Variants in INTS6 observed in about 807,000 individuals in gnomAD.
INTS6 encodes DEAD box protein.
A neutral mutation model predicts 104.9 loss-of-function variants in INTS6; 16 were observed. That is an observed-to-expected ratio of 0.15 (90% CI 0.10 to 0.23). INTS6 has a LOEUF of 0.23. Ranked by LOEUF, INTS6 falls within the 10% of genes least tolerant of loss-of-function variation. The probability of loss-of-function intolerance (pLI) is 1.00; values close to 1 mark genes in which losing one functional copy is unlikely to be tolerated. For synonymous variants in INTS6, 324 were observed against 358.7 expected (o/e 0.90, Z 1.09); for missense variants, 584 against 1,062.8 (o/e 0.55, Z 6.26).
chr13:51,345,668 T>C, the INTS6 span, among the ~76,000 whole-genome samples: 9 of 151,322 alleles, frequency 5.9e-5, no homozygotes, highest in African/African-American at 2.2e-4. Flanking sequence ...ACAGTAAGTG[T>C]GTGGACAAGG....
chr13:51,372,156 T>A (rs1392886288), intron 15 of INTS6, among the ~76,000 whole-genome samples: 1 of 152,186 alleles, frequency 6.6e-6, no homozygotes, highest in East Asian at 1.9e-4. Context: ...ACTTAACTGG[T>A]CGTTTATACT....
chr13:51,417,517 C>T (rs939777375), intron 4 of INTS6, among the ~76,000 whole-genome samples: 2 of 145,076 alleles, frequency 1.4e-5, no homozygotes, highest in Admixed American at 7.2e-5. Flanking sequence ...TGCAATGGCG[C>T]GATCTCAGCT....
intron 16 of INTS6, among the ~76,000 whole-genome samples, chr13:51,368,167 T>C (rs1239428104): frequency 7.2e-5 from 11 of 152,008 alleles, no homozygotes; most frequent in South Asian, 2.1e-4. Context: ...GATGAGTAAA[T>C]AGCTTTATGG....
intron 4 of INTS6, among the ~76,000 whole-genome samples, chr13:51,424,230 A>G (rs928420283): frequency 1.3e-5 from 2 of 152,060 alleles, no homozygotes; most frequent in African/African-American, 4.8e-5. Context: ...CTATTTTGAT[A>G]TATCTTAACA....
intron 3 of INTS6, chr13:51,449,001 T>C (rs1404481619): frequency 6.6e-6 from 1 of 152,222 alleles, no homozygotes; most frequent in Non-Finnish European, 1.5e-5. Flanking sequence ...CCTAATCATT[T>C]ATCCTTGTTG....
At chr13:51,372,927 G>C (rs997282042) in intron 15 of INTS6, among the ~76,000 whole-genome samples, 2 of 152,100 alleles carry the variant, frequency 1.3e-5, no homozygotes, top group African/African-American at 4.8e-5. Context: ...TTGTGGAAAA[G>C]TTTGATTTTG....
At chr13:51,451,927 G>A in intron 2 of INTS6, 51 bp downstream of exon 2, 1 of 1,416,544 alleles carries the variant, frequency 7.1e-7, no homozygotes, top group Non-Finnish European at 9.9e-7. Context: ...GGGCGAGCGA[G>A]GAAGGAACAG....
the INTS6 span, among the ~76,000 whole-genome samples, chr13:51,336,431 G>A: frequency 3.9e-5 from 6 of 152,270 alleles, no homozygotes; most frequent in Admixed American, 2.6e-4. Context: ...AGGTTGCAGT[G>A]AGCCGAGGTC....
At chr13:51,346,987 A>C in the INTS6 span, 1 of 1,471,476 alleles carries the variant, frequency 6.8e-7, no homozygotes, top group Non-Finnish European at 9.3e-7. Context: ...GTTTCAATGC[A>C]CATTTAACCC....
At position 51,452,303 on chromosome 13, in the gene INTS6, C is replaced by A; in HGVS notation, c.111+112G>T. 9.0e-7 allele frequency: 1 copy of A among 1,105,802 alleles called. No individual in the cohort carries two copies. The highest frequency in any genetic ancestry group is 1.1e-6 in the Non-Finnish European group (1 of 889,558). 68.5% of individuals were successfully genotyped at this position (1,105,802 alleles called of 1,614,324 possible). On this transcript the variant is annotated intron_variant, in intron 1 of 17. Coordinates refer to ENST00000311234, the MANE Select transcript of INTS6 (RefSeq NM_012141.3). The surrounding 1 kb of genome is among the most constrained non-coding windows in gnomAD (Gnocchi z 4.2). ...CGGTGGGGGAGGGGGTCCCCGAGCC[C>A]GGCAGCTCCCGCAGTCAGGTCCCCG...
At chr13:51,380,294 A>T (rs934988015) in intron 10 of INTS6, among the ~76,000 whole-genome samples, 4 of 152,170 alleles carry the variant, frequency 2.6e-5, no homozygotes, top group Non-Finnish European at 5.9e-5. Context: ...GAAGTACTTT[A>T]TACGATGAAA....
At chr13:51,391,213 G>A (rs1566219431) in intron 5 of INTS6, among the ~76,000 whole-genome samples, 1 of 152,042 alleles carries the variant, frequency 6.6e-6, no homozygotes, top group Non-Finnish European at 1.5e-5. Flanking sequence ...TTACATAAAG[G>A]TTGAGTATCT....
At chr13:51,360,674 T>C (rs531510737), downstream of INTS6, among the ~76,000 whole-genome samples, 8 of 152,180 alleles carry the variant, frequency 5.3e-5, no homozygotes, top group South Asian at 1.7e-3. Flanking sequence ...ATGAGGCAAA[T>C]TAATTGCATA....
chr13:51,364,317 C>A lies in INTS6; in HGVS notation c.*1435G>T. ...CTCCACTTTCATCAATGCTTTTCTT[C>A]ATAAAGTTATAATTTCATTTTGCTA... On this transcript the variant is annotated 3_prime_UTR_variant, in exon 18 of 18. Coordinates refer to ENST00000311234, the MANE Select transcript of INTS6 (RefSeq NM_012141.3). 2 of 1,275,292 alleles carry A rather than the reference C, an allele frequency of 1.6e-6. No individual in the cohort carries two copies. Among genetic ancestry groups the A allele is most frequent in the Non-Finnish European group, 1.1e-6 (1 of 930,558 alleles). The allele number at this position is 1,275,292 out of a possible 1,614,324, so 79.0% of individuals were successfully genotyped here.
chr13:51,414,597 G>T (rs1263023162), intron 4 of INTS6, among the ~76,000 whole-genome samples: 1 of 152,006 alleles, frequency 6.6e-6, no homozygotes, highest in Non-Finnish European at 1.5e-5. Context: ...GATTTGCTTG[G>T]ATAATGTAGA....
intron 3 of INTS6, among the ~76,000 whole-genome samples, chr13:51,431,754 T>C (rs1240834210): frequency 2.0e-5 from 3 of 152,110 alleles, no homozygotes; most frequent in African/African-American, 4.8e-5. Context: ...GGGAGAAAGA[T>C]TCCTTTGGTT....
chr13:51,452,550 C>T lies in INTS6; in HGVS notation c.-25G>A, dbSNP rs140712480. On this transcript the variant is annotated 5_prime_UTR_variant, in exon 1 of 18. Coordinates refer to ENST00000311234, the MANE Select transcript of INTS6 (RefSeq NM_012141.3). The surrounding 1 kb of genome is among the most constrained non-coding windows in gnomAD (Gnocchi z 4.2). Reference sequence around the variant, plus strand: ...TAGTGCTGGCCGGGGACACCGGGGCCCGAGGTGGTGGAGAAAGAGGAGATG... The same window carrying T: ...TAGTGCTGGCCGGGGACACCGGGGCTCGAGGTGGTGGAGAAAGAGGAGATG... 1,336 of 1,607,152 alleles carry T rather than the reference C, an allele frequency of 8.3e-4. 11 individuals are homozygous for T. The African/African-American group carries it at 0.016, about 20-fold the overall frequency.
intron 4 of INTS6, among the ~76,000 whole-genome samples, chr13:51,426,483 AATT>A (rs1371153267): frequency 7.9e-5 from 12 of 152,112 alleles, no homozygotes; most frequent in Non-Finnish European, 1.5e-5. Context: ...TCAAAAATGA[AATT>A]ATACTATAAA....
intron 3 of INTS6, chr13:51,444,348 A>C (rs372043769): frequency 1.0e-4 from 14 of 137,986 alleles, no homozygotes; most frequent in African/African-American, 3.8e-4. Flanking sequence ...CAAGTGATCC[A>C]CCTGCTTTAG....
Sources: allele counts gnomAD v4.1 joint callset (sites outside exome capture counted in the v4.1 genomes callset), GRCh38; gene constraint gnomAD v4.1.1; non-coding constraint Gnocchi (gnomAD v3.1); transcripts MANE v1.5; gene names NCBI Gene and HGNC (gene_info 2026-07-23, HGNC 2026-07-21).